ANTXR1: variants seen among roughly 807,000 people sequenced by gnomAD.
ANTXR1 encodes ANTXR cell adhesion molecule 1, also known as anthrax toxin receptor 1.
ANTXR1 carries 19 observed loss-of-function variants against 78.1 expected under a neutral mutation model. That is an observed-to-expected ratio of 0.24 (90% CI 0.17 to 0.36). The LOEUF is 0.36. ANTXR1 is among the 10% of genes least tolerant of loss of function. The probability of loss-of-function intolerance (pLI) is 1.00; values close to 1 mark genes in which losing one functional copy is unlikely to be tolerated. For synonymous variants in ANTXR1, 273 were observed against 260.5 expected, an observed-to-expected ratio of 1.05 and a Z score of -0.46; for missense variants, 518 against 718.6, an observed-to-expected ratio of 0.72 and a Z score of 3.19.
At chr2:69,025,951 G>C (rs956773755) in intron 1 of ANTXR1, among the ~76,000 whole-genome samples, 13 of 152,204 alleles carry the variant, frequency 8.5e-5, no homozygotes, top group African/African-American at 3.1e-4. Context: ...AGGTCAAACA[G>C]GTAAAGCAAC....
At chr2:69,210,417 G>T (rs568908410) in intron 17 of ANTXR1, among the ~76,000 whole-genome samples, 6 of 152,134 alleles carry the variant, frequency 3.9e-5, no homozygotes, top group Admixed American at 3.9e-4. Flanking sequence ...TTCCAAAATC[G>T]TGTCAGTGGG....
Position 69,152,151 on chromosome 2 carries a change from T to A in ANTXR1, c.952-18T>A. On this transcript the variant is annotated intron_variant, in intron 12 of 17. Coordinates refer to ENST00000303714, the MANE Select transcript of ANTXR1 (RefSeq NM_032208.3). ...TGGTCCCATCCCGCTGCTGACCGCC[T>A]CTCTCTTGGCCCTGCAGTCTGACGG... The A allele has an allele frequency of 6.2e-7, 1 of 1,612,910 alleles. No homozygotes were observed. The highest frequency in any genetic ancestry group is 1.3e-5 in the African/African-American group (1 of 74,960).
intron 16 of ANTXR1, among the ~76,000 whole-genome samples, chr2:69,184,533 T>G (rs577442781): frequency 1.3e-5 from 2 of 152,360 alleles, no homozygotes; most frequent in South Asian, 2.1e-4. Flanking sequence ...CTGTACCTTG[T>G]GACTAACGCC....
At chr2:69,100,021 A>AT (rs1318480472) in intron 9 of ANTXR1, among the ~76,000 whole-genome samples, 4 of 152,176 alleles carry the variant, frequency 2.6e-5, no homozygotes, top group African/African-American at 9.7e-5. Flanking sequence ...ATCAAAGACC[A>AT]TTTTCAGGTG....
intron 17 of ANTXR1, among the ~76,000 whole-genome samples, chr2:69,226,326 G>A (rs535152177): frequency 6.6e-6 from 1 of 152,270 alleles, no homozygotes. Flanking sequence ...CTGGGATCTA[G>A]CTCAGAGAGA....
intron 8 of ANTXR1, among the ~76,000 whole-genome samples, chr2:69,079,924 C>A (rs936321821): frequency 2.6e-5 from 4 of 152,326 alleles, no homozygotes; most frequent in Non-Finnish European, 4.4e-5. Context: ...TCAGCCTTAG[C>A]AACTCACCCA....
At chr2:69,017,692 T>G (rs1376213700) in intron 1 of ANTXR1, among the ~76,000 whole-genome samples, 2 of 152,210 alleles carry the variant, frequency 1.3e-5, no homozygotes, top group Non-Finnish European at 2.9e-5. Flanking sequence ...TGGAATTTCA[T>G]GTTCACTTAA....
chr2:69,013,619 C>T lies in ANTXR1; in HGVS notation c.120C>T (p.Tyr40=), dbSNP rs748268764. Residue 40 remains tyrosine (Y), a synonymous_variant, in exon 1 of 18, where the codon TAC becomes TAT. Transcript: ENST00000303714. This position sits in a 1 kb window ranked among gnomAD's most constrained non-coding sequence, Gnocchi z 5.0. ...GGGAGGATGGGGGTCCAGCCTGCTA[C>T]GGCGGATTTGACCTGTACTTCATTT... ...GRREDGGPAC[Y]GGFDLYFILD... is the part of the protein sequence containing the mutation. 2 of 1,555,996 alleles carry T rather than the reference C, an allele frequency of 1.3e-6. No individual in the cohort carries two copies. The highest frequency in any genetic ancestry group is 1.2e-5 in the South Asian group (1 of 84,420).
intron 17 of ANTXR1, among the ~76,000 whole-genome samples, chr2:69,208,700 A>G (rs1674963234): frequency 2.0e-5 from 3 of 152,216 alleles, no homozygotes; most frequent in African/African-American, 7.2e-5. Context: ...AGAAGGGGGA[A>G]TGACATGATT....
chr2:69,113,145 T>G (rs4263144), intron 10 of ANTXR1, among the ~76,000 whole-genome samples: 139,621 of 152,218 alleles, frequency 0.92, 64,200 homozygotes, highest in East Asian at 0.98. Context: ...TTTATGCATG[T>G]CTGGGAGAGA....
rs377202534 is a variant in ANTXR1 at position 69,152,233 on chromosome 2, T to A, written c.1016T>A (p.Leu339His). The A allele has an allele frequency of 6.2e-7, 1 of 1,614,066 alleles. No individual in the cohort carries two copies. Among genetic ancestry groups the A allele is most frequent in the Non-Finnish European group, 8.5e-7 (1 of 1,180,034 alleles). ...TTCCTGCTCCTAGCCCTGGCTCTCC[T>A]CTGGTGGTTCTGGCCCCTCTGCTGC... ...ILFLLLALAL[L>H]WWFWPLCCTV... The change falls in exon 13 of 18, where the codon CTC becomes CAC. Residue 339 changes from leucine to histidine, a missense_variant. Around this residue, in one of 5 missense-constraint regions of ANTXR1, gnomAD observed 264 missense variants for 391.8 expected, o/e 0.67. Coordinates refer to ENST00000303714, the MANE Select transcript of ANTXR1 (RefSeq NM_032208.3).
chr2:69,030,672 C>A (rs1044145264), intron 1 of ANTXR1, among the ~76,000 whole-genome samples: 3 of 152,006 alleles, frequency 2.0e-5, no homozygotes, highest in Non-Finnish European at 4.4e-5. Context: ...TATTTTGAAC[C>A]CTATACCCTA....
chr2:69,063,055 G>T (rs1384185634), intron 3 of ANTXR1, among the ~76,000 whole-genome samples: 1 of 152,130 alleles, frequency 6.6e-6, no homozygotes, highest in Admixed American at 6.6e-5. Flanking sequence ...AAAGGGAAAA[G>T]TCTGAGGGCT....
intron 17 of ANTXR1, among the ~76,000 whole-genome samples, chr2:69,201,887 G>C (rs1674781087): frequency 1.3e-5 from 2 of 152,162 alleles, no homozygotes; most frequent in Admixed American, 1.3e-4. Context: ...CAGGACCAGG[G>C]GGAAGCATGA....
intron 17 of ANTXR1, among the ~76,000 whole-genome samples, chr2:69,197,694 G>A (rs1022897394): frequency 1.3e-5 from 2 of 152,208 alleles, no homozygotes. Context: ...TAGGTGAGAA[G>A]GTTTGGAAGT....
At chr2:69,038,883 G>A (rs1396881763) in intron 1 of ANTXR1, among the ~76,000 whole-genome samples, 3 of 152,088 alleles carry the variant, frequency 2.0e-5, no homozygotes, top group East Asian at 1.9e-4. Context: ...GAATACACCC[G>A]ATCAGAATGA....
chr2:69,203,639 CCTCT>C (rs775110795), intron 17 of ANTXR1, among the ~76,000 whole-genome samples: 1 of 151,936 alleles, frequency 6.6e-6, no homozygotes. Flanking sequence ...TCTTCCTCTC[CCTCT>C]CTCTTTCCCC....
At chr2:69,078,004 T>C (rs939687260) in intron 8 of ANTXR1, among the ~76,000 whole-genome samples, 1 of 152,206 alleles carries the variant, frequency 6.6e-6, no homozygotes, top group Non-Finnish European at 1.5e-5. Context: ...CCAGGTGATT[T>C]TAATGTTGAG....
At chr2:69,224,118 A>G (rs1436211821) in intron 17 of ANTXR1, among the ~76,000 whole-genome samples, 2 of 152,240 alleles carry the variant, frequency 1.3e-5, no homozygotes, top group East Asian at 3.9e-4. Flanking sequence ...ACTGATACAG[A>G]TTCCAGTTTA....
Sources: gnomAD v4.1 joint callset for allele counts (sites outside exome capture counted in the v4.1 genomes callset) on GRCh38, gnomAD v4.1.1 for gene constraint, gnomAD v4.1.1 regional missense constraint, Gnocchi (gnomAD v3.1) non-coding constraint, MANE v1.5 for transcripts, NCBI Gene and HGNC (gene_info 2026-07-23, HGNC 2026-07-21) for gene names.